GMPR: variants seen among roughly 807,000 people sequenced by gnomAD.
The protein encoded by GMPR is GMP reductase 1.
In GMPR, 31 loss-of-function variants were observed where a neutral mutation model predicts 38.4. The observed-to-expected ratio is 0.81, with a 90% CI of 0.61 to 1.09. GMPR has a LOEUF of 1.09. GMPR is among the 50% of genes least tolerant of loss of function. The probability of loss-of-function intolerance (pLI) is 0.00; values close to 1 mark genes in which losing one functional copy is unlikely to be tolerated. For synonymous variants in GMPR, 162 were observed against 173.3 expected, an observed-to-expected ratio of 0.93 and a Z score of 0.51; for missense variants, 468 against 453.7, an observed-to-expected ratio of 1.03 and a Z score of -0.29.
intron 4 of GMPR, among the ~76,000 whole-genome samples, chr6:16,257,439 A>G (rs1209388951): frequency 1.3e-5 from 2 of 152,138 alleles, no homozygotes; most frequent in East Asian, 3.9e-4. Flanking sequence ...GATTCACCAC[A>G]TTGCTTTATG....
At chr6:16,263,895 C>T (rs1453365721) in intron 4 of GMPR, among the ~76,000 whole-genome samples, 1 of 150,238 alleles carries the variant, frequency 6.7e-6, no homozygotes, top group Non-Finnish European at 1.5e-5. Flanking sequence ...ACATGCCCCT[C>T]CTCTAGAAAA....
intron 1 of GMPR, among the ~76,000 whole-genome samples, chr6:16,246,529 G>A (rs1471804692): frequency 2.6e-5 from 4 of 152,186 alleles, no homozygotes; most frequent in African/African-American, 9.7e-5. Context: ...CCTCCCAGGA[G>A]GGGAATGGTT....
chr6:16,265,933 G>C (rs995972641), intron 4 of GMPR, among the ~76,000 whole-genome samples: 3 of 152,162 alleles, frequency 2.0e-5, no homozygotes, highest in Non-Finnish European at 4.4e-5. Context: ...TGAAGTCAGT[G>C]AGACCACGAA....
chr6:16,265,947 A>C (rs977634114), intron 4 of GMPR, among the ~76,000 whole-genome samples: 2 of 152,094 alleles, frequency 1.3e-5, no homozygotes, highest in Non-Finnish European at 2.9e-5. Context: ...CCACGAAGCC[A>C]CCCGCCGGGA....
At chr6:16,266,293 A>G (rs145290868) in intron 4 of GMPR, among the ~76,000 whole-genome samples, 4,021 of 151,380 alleles carry the variant, frequency 0.027, 89 homozygotes, top group Admixed American at 0.048. Context: ...TCCTGAAGTC[A>G]GTGTAGACCA....
chr6:16,271,363 G>A (rs1414505897), intron 4 of GMPR, among the ~76,000 whole-genome samples: 2 of 152,204 alleles, frequency 1.3e-5, no homozygotes, highest in East Asian at 1.9e-4. Context: ...GCACATACCT[G>A]TAATCCCAGC....
At chr6:16,273,248 A>T (rs1759415100) in intron 4 of GMPR, among the ~76,000 whole-genome samples, 1 of 152,162 alleles carries the variant, frequency 6.6e-6, no homozygotes, top group African/African-American at 2.4e-5. Context: ...CTGGGAAGCA[A>T]TTCAGAGAGA....
intron 7 of GMPR, among the ~76,000 whole-genome samples, chr6:16,286,521 C>CAT (rs781748662): frequency 2.6e-4 from 39 of 151,682 alleles, no homozygotes; most frequent in Non-Finnish European, 3.1e-4. Flanking sequence ...ACGAAGCTCC[C>CAT]ATGCCTCCGC....
At chr6:16,255,973 TGG>T (rs1329187693) in intron 4 of GMPR, among the ~76,000 whole-genome samples, 2 of 152,168 alleles carry the variant, frequency 1.3e-5, no homozygotes, top group Non-Finnish European at 2.9e-5. Context: ...CCCAGCACTT[TGG>T]GAGGCCGAGG....
At chr6:16,249,141 C>T (rs118096757) in intron 2 of GMPR, among the ~76,000 whole-genome samples, 7 of 151,900 alleles carry the variant, frequency 4.6e-5, no homozygotes, top group Admixed American at 1.3e-4. Context: ...TCCTCTTCCC[C>T]GCCATGCAGT....
intron 4 of GMPR, among the ~76,000 whole-genome samples, chr6:16,256,447 C>G (rs113838061): frequency 1.4e-5 from 2 of 144,976 alleles, no homozygotes; most frequent in Non-Finnish European, 3.0e-5. Context: ...GAGAATTGCT[C>G]GAACCCGGGA....
intron 4 of GMPR, among the ~76,000 whole-genome samples, chr6:16,259,921 CAA>C (rs1759048605): frequency 6.6e-6 from 1 of 151,732 alleles, no homozygotes; most frequent in African/African-American, 2.4e-5. Context: ...GCAGTGTAAA[CAA>C]GAGCAGGGCA....
At chr6:16,273,811 A>AT (rs772416416) in intron 4 of GMPR, among the ~76,000 whole-genome samples, 10,410 of 112,816 alleles carry the variant, frequency 0.092, 1,139 homozygotes, top group African/African-American at 0.22. Context: ...TCCCTCTAAG[A>AT]TTTTTTTTTT....
chr6:16,289,213 A>G (rs1759771469), intron 7 of GMPR, among the ~76,000 whole-genome samples: 1 of 152,182 alleles, frequency 6.6e-6, no homozygotes, highest in African/African-American at 2.4e-5. Context: ...ACCAGAAGGA[A>G]AAAGCCTCAG....
rs554940510 is a variant in GMPR at position 16,288,326 on chromosome 6, G to C, written c.698-2136G>C. ...CAGCTGGAGTTCCGGGTGGGTGTGG[G>C]CTTGGCAGGCCCTGCACTCGGAGCG... On this transcript the variant is annotated intron_variant, in intron 7 of 8. Transcript: ENST00000259727. 1.6e-4 allele frequency among the ~76,000 whole-genome samples: 24 copies of C among 152,360 alleles called. No homozygotes were observed. The East Asian group carries it at 3.7e-3, about 23-fold the overall frequency.
chr6:16,238,852 G>A (rs1758590237), intron 1 of GMPR, 72 bp downstream of exon 1: 1 of 755,100 alleles, frequency 1.3e-6, no homozygotes, highest in Non-Finnish European at 2.0e-6. Context: ...GTGGGTGGAA[G>A]GGGGTGGCAC....
intron 4 of GMPR, 53 bp downstream of exon 4, chr6:16,254,788 A>G: frequency 7.5e-7 from 1 of 1,340,054 alleles, no homozygotes; most frequent in Non-Finnish European, 1.1e-6. Context: ...GGAAGCCACG[A>G]GGGAGTTGTT....
At chr6:16,246,600 A>G (rs1758759555) in intron 1 of GMPR, among the ~76,000 whole-genome samples, 1 of 152,118 alleles carries the variant, frequency 6.6e-6, no homozygotes, top group Admixed American at 6.6e-5. Flanking sequence ...GGAAGTGGAT[A>G]GAAGGAGGCA....
chr6:16,247,108 A>G, intron 2 of GMPR, 147 bp downstream of exon 2: 3 of 713,460 alleles, frequency 4.2e-6, no homozygotes, highest in South Asian at 4.0e-5. Flanking sequence ...TCAATCAGAA[A>G]GTGGACGGTG....
Sources: gnomAD v4.1 joint callset for allele counts (sites outside exome capture counted in the v4.1 genomes callset) on GRCh38, gnomAD v4.1.1 for gene constraint, MANE v1.5 for transcripts, NCBI Gene and HGNC (gene_info 2026-07-23, HGNC 2026-07-21) for gene names.